Variants in A4GALT observed in about 807,000 individuals in gnomAD.
A4GALT encodes lactosylceramide 4-alpha-galactosyltransferase.
For synonymous variants in A4GALT, 257 were observed against 220.7 expected (o/e 1.16, Z -1.46); for missense variants, 512 against 486.0 (o/e 1.05, Z -0.50).
rs754155887 is a variant in A4GALT at position 42,693,005 on chromosome 22, A to G, written c.947T>C (p.Val316Ala). Residue 316 changes from valine to alanine, a missense_variant, in exon 3 of 3, where the codon GTG (valine) becomes GCG (alanine). Coordinates refer to ENST00000642412, the MANE Select transcript of A4GALT (RefSeq NM_017436.7). ...CGTGCCCTGGCTCTTCTTGTTCCAC[A>G]CGTGGACAGCATAGGTGGCACTGAG... ...RLLSATYAVH[V>A]WNKKSQGTRF... 6.2e-7 allele frequency: 1 copy of G among 1,613,640 alleles called. No individual in the cohort carries two copies. Among genetic ancestry groups the G allele is most frequent in the Non-Finnish European group, 8.5e-7 (1 of 1,179,958 alleles).
At chr22:42,716,768 G>A (rs774372881) in intron 1 of A4GALT, among the ~76,000 whole-genome samples, 1 of 152,314 alleles carries the variant, frequency 6.6e-6, no homozygotes, top group East Asian at 1.9e-4. Flanking sequence ...GTCTGGTAAG[G>A]TCAGGTAACA....
intron 1 of A4GALT, among the ~76,000 whole-genome samples, chr22:42,719,838 A>G (rs1478375386): frequency 1.3e-5 from 2 of 152,156 alleles, no homozygotes; most frequent in Non-Finnish European, 2.9e-5. Context: ...CGTGACCCCA[A>G]GGGGCCTTCG....
chr22:42,718,856 G>A (rs1028227893), intron 1 of A4GALT, among the ~76,000 whole-genome samples: 1 of 152,202 alleles, frequency 6.6e-6, no homozygotes, highest in African/African-American at 2.4e-5. Context: ...AAAGAAGGAG[G>A]CAGCTGGGGA....
chr22:42,709,326 C>T (rs1385394111), intron 1 of A4GALT, among the ~76,000 whole-genome samples: 6 of 123,730 alleles, frequency 4.8e-5, no homozygotes, highest in South Asian at 2.6e-4. Context: ...ACTACAGGCA[C>T]GAGCCACTGT....
At chr22:42,694,608 G>A (rs1384626360) in intron 2 of A4GALT, 1 of 152,612 alleles carries the variant, frequency 6.6e-6, no homozygotes, top group African/African-American at 2.4e-5. Flanking sequence ...CTTTCCTGGT[G>A]GCCAGGAACA....
At chr22:42,697,907 G>C (rs760822042) in intron 1 of A4GALT, among the ~76,000 whole-genome samples, 1 of 152,142 alleles carries the variant, frequency 6.6e-6, no homozygotes, top group East Asian at 1.9e-4. Flanking sequence ...GGCTCCCATC[G>C]CCAGGATTCC....
At chr22:42,709,333 C>G (rs373791296) in intron 1 of A4GALT, among the ~76,000 whole-genome samples, 1,761 of 111,542 alleles carry the variant, frequency 0.016, 23 homozygotes, top group Non-Finnish European at 0.022. Flanking sequence ...GCACGAGCCA[C>G]TGTGCCAGGC....
At position 42,706,224 on chromosome 22, in the gene A4GALT, G is replaced by A. The variant is rs1174959536; in HGVS notation, c.-187-10593C>T. On this transcript the variant is annotated intron_variant, in intron 1 of 2. Transcript: ENST00000642412. ...CAAAAAATTAGCCAGGCGTGGTGGC[G>A]GGCACCTATAGTCCCAGTTACTCGG... Among the ~76,000 whole-genome samples the A allele has an allele frequency of 7.4e-5, 11 of 149,484 alleles. No homozygotes were observed. In the East Asian group the frequency reaches 1.4e-3, roughly 19 times the overall value.
rs1462138637 is a variant in A4GALT at position 42,693,133 on chromosome 22, G to A, written c.819C>T (p.Cys273=). The part of the protein sequence containing the change: ...SIRSLAESRA[C]RGVTTLPPEA... The stretch of plus-strand genomic sequence containing the variant: ...CAGGGGGCAGGGTGGTGACGCCGCG[G>A]CAGGCGCGGCTCTCGGCCAGGCTGC... Residue 273 remains cysteine (C), a synonymous_variant, in exon 3 of 3, where the codon TGC becomes TGT. Transcript: ENST00000642412. 4 of 1,604,994 alleles carry A rather than the reference G, an allele frequency of 2.5e-6. No homozygotes were observed. The highest frequency in any genetic ancestry group is 1.1e-5 in the South Asian group (1 of 90,262).
chr22:42,716,780 T>C (rs1311390476), intron 1 of A4GALT, among the ~76,000 whole-genome samples: 1 of 152,140 alleles, frequency 6.6e-6, no homozygotes, highest in Non-Finnish European at 1.5e-5. Flanking sequence ...CAGGTAACAG[T>C]GTCTGGCTTA....
In A4GALT at chr22:42,692,953, C is replaced by T; in HGVS notation, c.999G>A (p.Leu333=). ...AGTAGCGGGCATGCAGCTGGGCCAG[C>T]AGTGCCCTGGACGTGGCCTCGAACC... ...GTRFEATSRA[L]LAQLHARYCP... The change falls in exon 3 of 3, where the codon CTG becomes CTA. Residue 333 remains leucine, a synonymous_variant. Coordinates refer to ENST00000642412, the MANE Select transcript of A4GALT (RefSeq NM_017436.7). This position sits in a 1 kb window ranked among gnomAD's most constrained non-coding sequence, Gnocchi z 4.6. 4 of 1,611,910 alleles carry T rather than the reference C, an allele frequency of 2.5e-6. No homozygotes were observed. The highest frequency in any genetic ancestry group is 2.5e-6 in the Non-Finnish European group (3 of 1,179,946).
intron 1 of A4GALT, among the ~76,000 whole-genome samples, chr22:42,710,117 G>A (rs1186353321): frequency 2.0e-5 from 3 of 152,184 alleles, no homozygotes; most frequent in African/African-American, 7.2e-5. Flanking sequence ...GGAAGACACA[G>A]ATGCTGCCAC....
At chr22:42,720,524 G>C (rs559425048) in intron 1 of A4GALT, among the ~76,000 whole-genome samples, 99 of 152,230 alleles carry the variant, frequency 6.5e-4, no homozygotes, top group African/African-American at 2.3e-3. Context: ...GGGCTCCGGA[G>C]CCAGGCGCGT....
chr22:42,715,838 TTTG>T (rs200340082), intron 1 of A4GALT, among the ~76,000 whole-genome samples: 27,813 of 113,226 alleles, frequency 0.25, 2,894 homozygotes, highest in African/African-American at 0.26. Context: ...AATCTTTTTT[TTTG>T]TTTTTTTTGA....
At chr22:42,718,830 C>T (rs1037223078) in intron 1 of A4GALT, among the ~76,000 whole-genome samples, 3 of 152,140 alleles carry the variant, frequency 2.0e-5, no homozygotes, top group Non-Finnish European at 4.4e-5. Flanking sequence ...TTTGTGAGCA[C>T]GCCTAGCAGG....
At chr22:42,701,889 C>A (rs146064760) in intron 1 of A4GALT, among the ~76,000 whole-genome samples, 1 of 152,158 alleles carries the variant, frequency 6.6e-6, no homozygotes, top group African/African-American at 2.4e-5. Flanking sequence ...CAGAGACCCA[C>A]GTGACACTGT....
At position 42,692,831 on chromosome 22, in the gene A4GALT, G is replaced by T; in HGVS notation, c.*59C>A. The T allele has an allele frequency of 6.3e-7, 1 of 1,589,918 alleles. No individual in the cohort carries two copies. The highest frequency in any genetic ancestry group is 1.1e-5 in the South Asian group (1 of 90,428). On this transcript the variant is annotated 3_prime_UTR_variant, in exon 3 of 3. Coordinates refer to ENST00000642412, the MANE Select transcript of A4GALT (RefSeq NM_017436.7). This position sits in a 1 kb window ranked among gnomAD's most constrained non-coding sequence, Gnocchi z 4.6. ...CCCGGGCCCTCAATCTTGCCTCCCC[G>T]GGAAGGGCGGCCCAGTGCCCCATCA...
Position 42,693,653 on chromosome 22 carries a change from G to T in A4GALT, c.299C>A (p.Ser100Ter), listed in dbSNP as rs776304817. The T allele has an allele frequency of 6.2e-7, 1 of 1,601,622 alleles. No homozygotes were observed. Among genetic ancestry groups the T allele is most frequent in the South Asian group, 1.1e-5 (1 of 90,764 alleles). ...GGATTCGGGGTGAGTTCTGGCGGCC[G>T]ACTCCACCGAGCACATGAACAGGAA... ...PNFLFMCSVE[S>*]AARTHPESHV... Residue 100 changes from serine (S) to a stop codon, truncating the protein, a stop_gained, in exon 3 of 3, where the codon TCG becomes TAG. Coordinates refer to ENST00000642412, the MANE Select transcript of A4GALT (RefSeq NM_017436.7). LOFTEE classifies it low-confidence loss of function (END_TRUNC).
intron 2 of A4GALT, 129 bp downstream of exon 2, chr22:42,695,362 C>G (rs1013694831): frequency 4.6e-5 from 7 of 152,420 alleles, no homozygotes; most frequent in African/African-American, 1.7e-4. Context: ...CAAGGACAGG[C>G]AGAAGGTGGG....
Sources: gnomAD v4.1 joint callset for allele counts (sites outside exome capture counted in the v4.1 genomes callset) on GRCh38, gnomAD v4.1.1 for gene constraint, Gnocchi (gnomAD v3.1) non-coding constraint, MANE v1.5 for transcripts, NCBI Gene and HGNC (gene_info 2026-07-23, HGNC 2026-07-21) for gene names.